TAPBPL: variants seen among roughly 807,000 people sequenced by gnomAD.
TAPBPL encodes the protein TAP binding protein like.
Under a neutral mutation model 44.8 loss-of-function variants are expected in TAPBPL, and 32 were observed. The ratio of observed to expected loss-of-function variants is 0.71; its 90% CI spans 0.54 to 0.96. The LOEUF (loss-of-function observed/expected upper bound fraction) is 0.96. Among genes scored for constraint, TAPBPL ranks in the 40% least tolerant of loss-of-function variants. The pLI is 0.00. For synonymous variants in TAPBPL, 230 were observed against 240.7 expected (o/e 0.96, Z 0.41); for missense variants, 520 against 586.6 (o/e 0.89, Z 1.17).
chr12:6,463,171 G>C (rs1428374234), downstream of TAPBPL: 4 of 1,441,532 alleles, frequency 2.8e-6, no homozygotes, highest in Admixed American at 5.4e-5. This position sits in a 1 kb window ranked among gnomAD's most constrained non-coding sequence, Gnocchi z 4.0. Context: ...CAAAGAGGAG[G>C]AAGAGAAAGG....
chr12:6,459,774 A>G (rs769475243), intron 5 of TAPBPL, among the ~76,000 whole-genome samples: 11 of 148,606 alleles, frequency 7.4e-5, no homozygotes, highest in Non-Finnish European at 1.5e-4. Context: ...ATTTTATTTT[A>G]TTTTACTTTT....
At chr12:6,470,188 C>T (rs920052579), downstream of TAPBPL, among the ~76,000 whole-genome samples, 21 of 152,132 alleles carry the variant, frequency 1.4e-4, no homozygotes, top group Non-Finnish European at 4.4e-5. Context: ...CTTTCGAGTC[C>T]CCTGCCCAGT....
At chr12:6,464,379 G>A (rs987350219), downstream of TAPBPL, 13 of 1,552,378 alleles carry the variant, frequency 8.4e-6, no homozygotes, top group East Asian at 2.4e-5. Flanking sequence ...AATGGAGGAC[G>A]GTGGGTGGGG....
chr12:6,460,983 C>T (rs1365242835), intron 6 of TAPBPL, 45 bp downstream of exon 6: 2 of 1,612,364 alleles, frequency 1.2e-6, no homozygotes, highest in Non-Finnish European at 8.5e-7. Context: ...CCCACCTCAC[C>T]CACTCTAACC....
chr12:6,462,120 C>A lies in TAPBPL; in HGVS notation c.1378C>A (p.Arg460Ser). The change falls in exon 7 of 7, where the codon CGC becomes AGC. Residue 460 changes from arginine (R) to serine (S), a missense_variant. Arg to Ser is a moderately radical substitution (Grantham distance 110). Transcript: ENST00000266556. ...ACAGAGCTCCCATCTCCATGAAGAC[C>A]GCACAGCGCGTGTAAGCCAGCCCAG... ...DTQSSHLHED[R>S]TARVSQPS is the part of the protein sequence containing the mutation. 1 of 1,612,724 alleles carries A rather than the reference C, an allele frequency of 6.2e-7. No homozygotes were observed. Among genetic ancestry groups the A allele is most frequent in the Non-Finnish European group, 8.5e-7 (1 of 1,178,958 alleles).
chr12:6,462,955 G>C (rs1294106827), downstream of TAPBPL: 2 of 1,553,776 alleles, frequency 1.3e-6, no homozygotes, highest in Admixed American at 3.9e-5. Flanking sequence ...TGCCCAGCAT[G>C]GCCTCAGCCT....
downstream of TAPBPL, among the ~76,000 whole-genome samples, chr12:6,470,088 T>C (rs566173817): frequency 6.6e-6 from 1 of 152,268 alleles, no homozygotes; most frequent in South Asian, 2.1e-4. Context: ...CCAGAGATTG[T>C]AGGGCAACAT....
In TAPBPL at chr12:6,453,475, G is replaced by A; in HGVS notation, c.324G>A (p.Glu108=). ...ACCTGGTCCAGATTCCCCAGGCCGAGGCCTTGCTCCATGCTGACTGCAGTG... is the reference window on the plus strand; with the variant it reads ...ACCTGGTCCAGATTCCCCAGGCCGAAGCCTTGCTCCATGCTGACTGCAGTG... ...SVDLVQIPQA[E]ALLHADCSGK... Residue 108 remains glutamate, a synonymous_variant, in exon 3 of 7, where the codon GAG becomes GAA. Coordinates refer to ENST00000266556, the MANE Select transcript of TAPBPL (RefSeq NM_018009.5). The surrounding 1 kb of genome is among the most constrained non-coding windows in gnomAD (Gnocchi z 4.8). 6.2e-7 allele frequency: 1 copy of A among 1,614,164 alleles called. No homozygotes were observed. Among genetic ancestry groups the A allele is most frequent in the Non-Finnish European group, 8.5e-7 (1 of 1,180,024 alleles).
At chr12:6,463,718 G>A (rs2137001277), downstream of TAPBPL, 2 of 1,152,252 alleles carry the variant, frequency 1.7e-6, no homozygotes, top group East Asian at 6.7e-5. This position sits in a 1 kb window ranked among gnomAD's most constrained non-coding sequence, Gnocchi z 4.0. Context: ...ACAGAATGCT[G>A]TAGAAAATGT....
chr12:6,454,706 G>T (rs1293570025), intron 3 of TAPBPL, among the ~76,000 whole-genome samples: 1 of 152,136 alleles, frequency 6.6e-6, no homozygotes, highest in African/African-American at 2.4e-5. Context: ...AGGCTGCTCT[G>T]GTGCTTCAGG....
chr12:6,452,688 C>T (rs1949586888), intron 1 of TAPBPL: 1 of 1,040,460 alleles, frequency 9.6e-7, no homozygotes, highest in Non-Finnish European at 1.3e-6. Context: ...TGGGAGAAAG[C>T]AGTGCAGGCT....
downstream of TAPBPL, chr12:6,463,823 A>AGAGG (rs1592145042): frequency 1.6e-6 from 2 of 1,215,704 alleles, no homozygotes; most frequent in East Asian, 1.1e-4. The surrounding 1 kb of genome is among the most constrained non-coding windows in gnomAD (Gnocchi z 4.0). Flanking sequence ...AGTGTTCTCC[A>AGAGG]GGCCTCTGGA....
chr12:6,459,093 C>G lies in TAPBPL; in HGVS notation c.1207+146C>G. 3 of 934,026 alleles carry G rather than the reference C, an allele frequency of 3.2e-6. No individual in the cohort carries two copies. In the South Asian group the frequency reaches 5.2e-5, roughly 16 times the overall value. The allele number at this position is 934,026 out of a possible 1,614,324, so 57.9% of individuals were successfully genotyped here. ...TCCTGCCTCTGCTCCTGACTATTTT[C>G]CCAAGGCGGCAGCTGCCACAGCTTC... On this transcript the variant is annotated intron_variant, in intron 5 of 6. Transcript: ENST00000266556.
chr12:6,457,395 C>T lies in TAPBPL; in HGVS notation c.566-11C>T. 6.2e-7 allele frequency: 1 copy of T among 1,607,500 alleles called. No homozygotes were observed. Among genetic ancestry groups the T allele is most frequent in the Non-Finnish European group, 8.5e-7 (1 of 1,175,312 alleles). On this transcript the variant is annotated splice_polypyrimidine_tract_variant and intron_variant, in intron 3 of 6. Coordinates refer to ENST00000266556, the MANE Select transcript of TAPBPL (RefSeq NM_018009.5). ...GTAGCCCACAAATCACCCCTCTTTT[C>T]CTCTTCACAGTGGAGTTCCAGGTGA...
downstream of TAPBPL, chr12:6,462,543 G>C (rs944509446): frequency 1.9e-6 from 1 of 520,892 alleles, no homozygotes; most frequent in Non-Finnish European, 3.4e-6. Flanking sequence ...GAGACACACA[G>C]AAGAGGGTAC....
chr12:6,461,398 G>GT, intron 6 of TAPBPL: 1 of 1,003,226 alleles, frequency 1.0e-6, no homozygotes, highest in Non-Finnish European at 1.2e-6. Context: ...CAGGTTGGTG[G>GT]TGTGACGGTA....
At chr12:6,461,223 T>A (rs570015162) in intron 6 of TAPBPL, 1 of 1,250,094 alleles carries the variant, frequency 8.0e-7, no homozygotes, top group African/African-American at 1.5e-5. Context: ...GAGCTAAAAA[T>A]ACATGAAGGT....
In TAPBPL at chr12:6,458,511, C is replaced by T. The variant is rs564537777; in HGVS notation, c.905-134C>T. 40 of 1,081,080 alleles carry T rather than the reference C, an allele frequency of 3.7e-5. No homozygotes were observed. The Middle Eastern group carries it at 6.2e-4, about 17-fold the overall frequency. The allele number at this position is 1,081,080 out of a possible 1,614,324, so 67.0% of individuals were successfully genotyped here. On this transcript the variant is annotated intron_variant, in intron 4 of 6. Transcript: ENST00000266556. ...TCCAGGTGGGCCCCTCACACACCCC[C>T]GCCTTGGTACACCACCAAGGGACAC... is the stretch of plus-strand genomic sequence containing the variant.
intron 1 of TAPBPL, 94 bp from the exon 2 acceptor site, chr12:6,452,973 C>T (rs1412319989): frequency 3.1e-6 from 4 of 1,294,214 alleles, no homozygotes; most frequent in Middle Eastern, 5.3e-4. Flanking sequence ...AACTTTTACC[C>T]TTTGATGACT....
Sources: gnomAD v4.1 joint callset for allele counts (sites outside exome capture counted in the v4.1 genomes callset) on GRCh38, gnomAD v4.1.1 for gene constraint, Gnocchi (gnomAD v3.1) non-coding constraint, MANE v1.5 for transcripts, NCBI Gene and HGNC (gene_info 2026-07-23, HGNC 2026-07-21) for gene names.